JCAD: variants seen among roughly 807,000 people sequenced by gnomAD.
The protein encoded by JCAD is junctional cadherin 5 associated.
Under a neutral mutation model 98.0 loss-of-function variants are expected in JCAD, and 40 were observed. That is an observed-to-expected ratio of 0.41 (90% CI 0.32 to 0.53). The LOEUF (loss-of-function observed/expected upper bound fraction) is 0.53, where lower values mean the gene tolerates loss of function less well. Among genes scored for constraint, JCAD ranks in the 20% least tolerant of loss-of-function variants. JCAD has a pLI of 0.31. For synonymous variants in JCAD, 691 were observed against 682.3 expected (o/e 1.01, Z -0.20); for missense variants, 1,705 against 1,738.1 (o/e 0.98, Z 0.34).
chr10:30,061,909 A>G (rs2132661484), upstream of JCAD, among the ~76,000 whole-genome samples: 1 of 152,338 alleles, frequency 6.6e-6, no homozygotes, highest in African/African-American at 2.4e-5. Context: ...TGTGCCCAGC[A>G]TGGTGCAGAC....
intron 1 of JCAD, among the ~76,000 whole-genome samples, chr10:30,110,497 G>A (rs1054962374): frequency 4.0e-5 from 6 of 151,048 alleles, no homozygotes; most frequent in Non-Finnish European, 5.9e-5. Context: ...TGCCCTCCCC[G>A]ATATATGGAC....
chr10:30,045,383 T>G (rs1372205175), intron 2 of JCAD, among the ~76,000 whole-genome samples: 1 of 152,176 alleles, frequency 6.6e-6, no homozygotes, highest in Non-Finnish European at 1.5e-5. Context: ...TTTTCAACAG[T>G]TGCTACAATT....
In JCAD at chr10:30,039,214, A is replaced by G. The variant is rs1195936803; in HGVS notation, c.281+8318T>C. Among the ~76,000 whole-genome samples, 6 of 152,200 alleles carry G rather than the reference A, an allele frequency of 3.9e-5. No homozygotes were observed. The East Asian group carries it at 7.7e-4, about 20-fold the overall frequency. ...TAGAGGACCCTGTCCCTCCACATCA[A>G]TGATCATCCTGGGAGCATCCCAGGT... On this transcript the variant is annotated intron_variant, in intron 2 of 3. Coordinates refer to ENST00000375377, the MANE Select transcript of JCAD (RefSeq NM_020848.4).
intron 1 of JCAD, among the ~76,000 whole-genome samples, chr10:30,074,997 G>T (rs113647598): frequency 2.0e-5 from 3 of 152,158 alleles, no homozygotes; most frequent in African/African-American, 7.2e-5. Context: ...TCACTATGTT[G>T]CCCAGGCTGA....
In JCAD at chr10:30,015,686, T is replaced by A. The variant is rs1012906915; in HGVS notation, c.*2197A>T. ...CTTGAGGAATGAGCTAAAATTAAGT[T>A]ATTTTGATTCAAAGAGGTATTTAGA... is the stretch of plus-strand genomic sequence containing the variant. On this transcript the variant is annotated 3_prime_UTR_variant, in exon 4 of 4. Coordinates refer to ENST00000375377, the MANE Select transcript of JCAD (RefSeq NM_020848.4). The A allele has an allele frequency of 6.6e-6, 1 of 152,224 alleles. No homozygotes were observed. The highest frequency in any genetic ancestry group is 2.4e-5 in the African/African-American group (1 of 41,454). 9.4% of individuals were successfully genotyped at this position (152,224 alleles called of 1,614,324 possible).
intron 1 of JCAD, among the ~76,000 whole-genome samples, chr10:30,108,515 G>A (rs1401333271): frequency 6.6e-6 from 1 of 152,274 alleles, no homozygotes; most frequent in African/African-American, 2.4e-5. Context: ...CAGAACCACA[G>A]TACACACTCA....
Position 30,050,352 on chromosome 10 carries a change from A to G in JCAD, c.-59-2481T>C, listed in dbSNP as rs1348074151. ...AAAAAAAAAAAAAAAAGAAAGAAAG[A>G]AAAGAAATTAATGGCTTAGTAACAG... On this transcript the variant is annotated intron_variant, in intron 1 of 3. Transcript: ENST00000375377. Among the ~76,000 whole-genome samples, 4 of 151,350 alleles carry G rather than the reference A, an allele frequency of 2.6e-5. No individual in the cohort carries two copies. In the South Asian group the frequency reaches 8.3e-4, roughly 32 times the overall value.
intron 1 of JCAD, among the ~76,000 whole-genome samples, chr10:30,101,380 G>C (rs1838468549): frequency 6.6e-6 from 1 of 152,184 alleles, no homozygotes; most frequent in Admixed American, 6.5e-5. Flanking sequence ...CTGCACTCCA[G>C]CCTGGGTGAC....
chr10:30,080,134 A>G (rs16931029), intron 1 of JCAD, among the ~76,000 whole-genome samples: 2,388 of 152,218 alleles, frequency 0.016, 56 homozygotes, highest in African/African-American at 0.054. Flanking sequence ...ATAGTCAGTG[A>G]GTGAGGAAAA....
intron 1 of JCAD, among the ~76,000 whole-genome samples, chr10:30,108,769 C>T (rs922906341): frequency 2.0e-5 from 3 of 151,428 alleles, no homozygotes; most frequent in African/African-American, 4.9e-5. Context: ...ATGCCTTCTT[C>T]GTAAACTTAC....
intron 1 of JCAD, among the ~76,000 whole-genome samples, chr10:30,102,208 G>C (rs531644987): frequency 6.6e-6 from 1 of 151,946 alleles, no homozygotes; most frequent in Non-Finnish European, 1.5e-5. Context: ...TTGCTCTGTC[G>C]CCCAGGCTGG....
At chr10:30,019,909 C>A in intron 3 of JCAD, among the ~76,000 whole-genome samples, 1 of 147,814 alleles carries the variant, frequency 6.8e-6, no homozygotes, top group East Asian at 2.0e-4. Context: ...TTTTGTCAAT[C>A]ATGCTTCAAT....
At chr10:30,085,151 G>C (rs1337738325) in intron 1 of JCAD, among the ~76,000 whole-genome samples, 1 of 152,046 alleles carries the variant, frequency 6.6e-6, no homozygotes, top group Non-Finnish European at 1.5e-5. Context: ...CTCAGGTTTG[G>C]TGTTGTATTT....
intron 1 of JCAD, among the ~76,000 whole-genome samples, chr10:30,054,590 TAATTA>T (rs1837530083): frequency 6.6e-6 from 1 of 151,356 alleles, no homozygotes; most frequent in Non-Finnish European, 1.5e-5. Context: ...TTACATAACT[TAATTA>T]AGTTATATAT....
intron 1 of JCAD, among the ~76,000 whole-genome samples, chr10:30,112,242 T>C (rs1838714984): frequency 1.3e-5 from 2 of 152,038 alleles, no homozygotes; most frequent in African/African-American, 4.8e-5. Context: ...GGGAGGCTGA[T>C]GTAGGAGGAT....
intron 1 of JCAD, among the ~76,000 whole-genome samples, chr10:30,082,139 G>A (rs1838097837): frequency 6.6e-6 from 1 of 152,070 alleles, no homozygotes; most frequent in South Asian, 2.1e-4. Flanking sequence ...CACACATAAT[G>A]GTGATGATTA....
intron 3 of JCAD, among the ~76,000 whole-genome samples, chr10:30,022,534 C>G (rs948981017): frequency 2.6e-5 from 4 of 152,170 alleles, no homozygotes; most frequent in Admixed American, 6.5e-5. Flanking sequence ...AGTGGACATA[C>G]GTCAAAAGTA....
rs1349566548 is a variant in JCAD, at chr10:30,028,139, G to C, written c.2009C>G (p.Thr670Arg). 8.7e-6 allele frequency: 14 copies of C among 1,614,080 alleles called. No homozygotes were observed. Among genetic ancestry groups the C allele is most frequent in the Non-Finnish European group, 1.2e-5 (14 of 1,180,036 alleles). Residue 670 changes from threonine to arginine, a missense_variant, in exon 3 of 4, where the codon ACA (threonine) becomes AGA (arginine). Transcript: ENST00000375377. ...QTNDLSFIHLTKHRELKHSGS... is the reference protein window; with the variant it reads ...QTNDLSFIHLRKHRELKHSGS... ...AGAATGCTTGAGTTCTCTGTGCTTT[G>C]TAAGGTGGATGAAACTGAGGTCATT...
At position 30,072,118 on chromosome 10, in the gene JCAD, A is replaced by C. The variant is rs562235414; in HGVS notation, n.129-2297T>G. Among the ~76,000 whole-genome samples, 8 of 149,280 alleles carry C rather than the reference A, an allele frequency of 5.4e-5. No individual in the cohort carries two copies. In the South Asian group the frequency reaches 9.0e-4, roughly 17 times the overall value. On this transcript the variant is annotated intron_variant and non_coding_transcript_variant, in intron 1 of 2. Coordinates refer to the JCAD transcript ENST00000465712. ...ATACTATTCTGGAAGGAAGGAAAGA[A>C]GGAAGGGCAGGGCAGGGCAGGGAAG...
Sources: allele counts gnomAD v4.1 joint callset (sites outside exome capture counted in the v4.1 genomes callset), GRCh38; gene constraint gnomAD v4.1.1; transcripts MANE v1.5; gene names NCBI Gene and HGNC (gene_info 2026-07-23, HGNC 2026-07-21).